The following MLPH variants were observed in gnomAD, a reference collection of about 807,000 sequenced individuals.
MLPH encodes exophilin-3.
In MLPH, 51 loss-of-function variants were observed where a neutral mutation model predicts 72.1. The ratio of observed to expected loss-of-function variants is 0.71; its 90% CI spans 0.56 to 0.89. The LOEUF (loss-of-function observed/expected upper bound fraction) is 0.89, where lower values mean the gene tolerates loss of function less well. Among genes scored for constraint, MLPH ranks in the 40% least tolerant of loss-of-function variants. The pLI is 0.00. For synonymous variants in MLPH, 301 were observed against 310.1 expected, an observed-to-expected ratio of 0.97 and a Z score of 0.31; for missense variants, 743 against 759.9, an observed-to-expected ratio of 0.98 and a Z score of 0.26.
chr2:237,524,938 G>A (rs2080270510), intron 6 of MLPH, among the ~76,000 whole-genome samples: 1 of 152,208 alleles, frequency 6.6e-6, no homozygotes, highest in Non-Finnish European at 1.5e-5. Context: ...CTGGAAGCCA[G>A]CAGCCAATTG....
At chr2:237,533,373 CTT>C (rs2080462120) in intron 8 of MLPH, among the ~76,000 whole-genome samples, 1 of 145,798 alleles carries the variant, frequency 6.9e-6, no homozygotes, top group African/African-American at 2.5e-5. Context: ...TGGGAAGTCT[CTT>C]CTCTATTTTC....
At chr2:237,492,718 C>T (rs1433329172) in intron 1 of MLPH, among the ~76,000 whole-genome samples, 2 of 152,208 alleles carry the variant, frequency 1.3e-5, no homozygotes, top group African/African-American at 4.8e-5. Context: ...CCAGCACAAG[C>T]ACATCGCCCT....
At chr2:237,532,582 C>G (rs2080443922) in intron 8 of MLPH, among the ~76,000 whole-genome samples, 2 of 152,140 alleles carry the variant, frequency 1.3e-5, no homozygotes, top group African/African-American at 4.8e-5. Flanking sequence ...TGCTTTAATC[C>G]CTAGCTAGTG....
chr2:237,536,247 G>A (rs968049432), intron 9 of MLPH, among the ~76,000 whole-genome samples: 6 of 152,134 alleles, frequency 3.9e-5, no homozygotes, highest in African/African-American at 9.7e-5. Context: ...CGGCCGGAGC[G>A]GAGAGAGACT....
intron 1 of MLPH, among the ~76,000 whole-genome samples, chr2:237,493,034 G>A (rs1307230673): frequency 6.6e-6 from 1 of 152,162 alleles, no homozygotes; most frequent in Non-Finnish European, 1.5e-5. Context: ...CTCAGGAATG[G>A]CGCATTTCTC....
chr2:237,548,685 G>A (rs548325215), intron 13 of MLPH, among the ~76,000 whole-genome samples: 2 of 152,138 alleles, frequency 1.3e-5, no homozygotes, highest in Non-Finnish European at 2.9e-5. Flanking sequence ...TGGCTAACAC[G>A]GTGAAACCCT....
At chr2:237,553,446 C>T in intron 15 of MLPH, 120 bp from the exon 16 acceptor site, 1 of 932,648 alleles carries the variant, frequency 1.1e-6, no homozygotes. Context: ...AAATTTGTGT[C>T]TACAGATGTG....
chr2:237,509,138 GC>G (rs1574847882), intron 2 of MLPH, among the ~76,000 whole-genome samples: 1 of 152,142 alleles, frequency 6.6e-6, no homozygotes, highest in African/African-American at 2.4e-5. Flanking sequence ...AGTCTTCTCT[GC>G]CCTCCCTTCC....
chr2:237,489,783 T>A (rs2079391456), intron 1 of MLPH, among the ~76,000 whole-genome samples: 1 of 152,152 alleles, frequency 6.6e-6, no homozygotes, highest in African/African-American at 2.4e-5. Flanking sequence ...CAATTCTTCA[T>A]CCAGGAGGAA....
In MLPH at chr2:237,553,727, C is replaced by T; in HGVS notation, c.*135C>T. On this transcript the variant is annotated 3_prime_UTR_variant, in exon 16 of 16. Transcript: ENST00000264605. ...GAGAAACAAGAAGGAGCACCCTCCA[C>T]ATGGACTCCCACCTGCAAGTGGACA... 8.3e-7 allele frequency: 1 copy of T among 1,197,632 alleles called. No homozygotes were observed. Among genetic ancestry groups the T allele is most frequent in the Non-Finnish European group, 1.2e-6 (1 of 800,474 alleles). 74.2% of individuals were successfully genotyped at this position (1,197,632 alleles called of 1,614,324 possible). A position where few individuals can be genotyped will look rare whatever the true frequency, so the allele number is the denominator to read the frequency against.
Position 237,524,302 on chromosome 2 carries a change from A to AATATATATATATAT in MLPH, c.676-1293_676-1280dup, listed in dbSNP as rs139706602. ...TTTCTTAGAGGGACAGAACTAATAG[A>AATATATATATATAT]ATATATATATATATATATAAAGGGG... On this transcript the variant is annotated intron_variant, in intron 6 of 15. Transcript: ENST00000264605. Among the ~76,000 whole-genome samples the AATATATATATATAT allele has an allele frequency of 5.1e-3, 648 of 127,328 alleles. 49 individuals carry two copies. Among genetic ancestry groups the AATATATATATATAT allele is most frequent in the African/African-American group, 0.024 (590 of 24,292 alleles). The allele number at this position is 127,328 out of a possible 152,430, so 83.5% of individuals were successfully genotyped here.
intron 15 of MLPH, chr2:237,552,947 AC>A: frequency 2.7e-6 from 1 of 367,634 alleles, no homozygotes; most frequent in South Asian, 2.1e-5. Context: ...TGTTACCACA[AC>A]GAAAGCGCAG....
At position 237,541,578 on chromosome 2, in the gene MLPH, A is replaced by G. The variant is rs553812775; in HGVS notation, c.1446+621A>G. 9.8e-5 allele frequency among the ~76,000 whole-genome samples: 15 copies of G among 152,308 alleles called. No individual in the cohort carries two copies. The highest frequency in any genetic ancestry group is 3.6e-4 in the African/African-American group (15 of 41,576). On this transcript the variant is annotated intron_variant, in intron 11 of 15. Coordinates refer to ENST00000264605, the MANE Select transcript of MLPH (RefSeq NM_024101.7). This position sits in a 1 kb window ranked among gnomAD's most constrained non-coding sequence, Gnocchi z 5.1. ...CAGGTGCCTGTCACTCCCTAAGGACAAAGGGCACGTCCCCTAGAGCTGTTC... is the reference window on the plus strand; with the variant it reads ...CAGGTGCCTGTCACTCCCTAAGGACGAAGGGCACGTCCCCTAGAGCTGTTC...
rs371642307 is a variant in MLPH at position 237,519,946 on chromosome 2, G to A, written c.592G>A (p.Glu198Lys). 3.3e-5 allele frequency: 53 copies of A among 1,613,856 alleles called. No homozygotes were observed. The highest frequency in any genetic ancestry group is 1.9e-4 in the African/African-American group (14 of 74,898). The change falls in exon 6 of 16, where the codon GAG (glutamate) becomes AAG (lysine). Residue 198 changes from glutamate (E) to lysine (K), a missense_variant. By Grantham distance (56) the Glu-to-Lys change is moderately conservative. Coordinates refer to ENST00000264605, the MANE Select transcript of MLPH (RefSeq NM_024101.7). The part of the protein sequence containing the change: ...RLLSVHDFDF[E>K]GDSDDSTQPQ... ...CCTCTCCGTCCACGACTTCGACTTC[G>A]AGGGAGACTCAGATGACTCCACTCA...
Position 237,536,989 on chromosome 2 carries a change from A to G in MLPH, c.1104+2342A>G, listed in dbSNP as rs1290602315. On this transcript the variant is annotated intron_variant, in intron 9 of 15. Coordinates refer to ENST00000264605, the MANE Select transcript of MLPH (RefSeq NM_024101.7). ...ACTCCACATGGGACCTGCACTGCCC[A>G]TACACTCCCCGCGAGGGGACACTGC... 2.0e-5 allele frequency among the ~76,000 whole-genome samples: 3 copies of G among 152,202 alleles called. No homozygotes were observed. In the East Asian group the frequency reaches 5.8e-4, roughly 29 times the overall value.
chr2:237,551,057 C>T, intron 14 of MLPH, among the ~76,000 whole-genome samples: 1 of 152,242 alleles, frequency 6.6e-6, no homozygotes. Context: ...ACATTTCTCC[C>T]CGCCATCCTC....
intron 11 of MLPH, among the ~76,000 whole-genome samples, 183 bp from the exon 12 acceptor site, chr2:237,542,384 A>G (rs545241791): frequency 2.1e-3 from 326 of 152,222 alleles, no homozygotes; most frequent in Non-Finnish European, 3.4e-3. Context: ...CAACAACCAC[A>G]GAAGATAAAT....
At chr2:237,549,001 A>AT (rs2106412633) in intron 13 of MLPH, among the ~76,000 whole-genome samples, 1 of 152,372 alleles carries the variant, frequency 6.6e-6, no homozygotes, top group East Asian at 1.9e-4. Context: ...CAAATGTGGC[A>AT]GCTTCCCCAA....
intron 4 of MLPH, among the ~76,000 whole-genome samples, chr2:237,516,992 G>A (rs1226317535): frequency 7.3e-6 from 1 of 136,478 alleles, no homozygotes; most frequent in African/African-American, 2.9e-5. Context: ...TAAGGTGGTA[G>A]GTGAGTGGAT....
Sources: allele counts gnomAD v4.1 joint callset (sites outside exome capture counted in the v4.1 genomes callset), GRCh38; gene constraint gnomAD v4.1.1; non-coding constraint Gnocchi (gnomAD v3.1); transcripts MANE v1.5; gene names NCBI Gene and HGNC (gene_info 2026-07-23, HGNC 2026-07-21).